Variants in BCCIP observed in about 807,000 individuals in gnomAD.
BCCIP encodes the protein BRCA2 and CDKN1A interacting protein.
In BCCIP, 23 loss-of-function variants were observed where a neutral mutation model predicts 32.8. The observed-to-expected ratio is 0.70, with a 90% CI of 0.51 to 0.99. The LOEUF is 0.99. BCCIP is among the 50% of genes least tolerant of loss of function. The probability of loss-of-function intolerance (pLI) is 0.00; values close to 1 mark genes in which losing one functional copy is unlikely to be tolerated. For missense variants in BCCIP, 378 were observed against 379.8 expected (o/e 1.00, Z 0.04); for synonymous variants, 144 against 137.6 (o/e 1.05, Z -0.33).
In BCCIP at chr10:125,831,403, TTC is replaced by T; in HGVS notation, c.412-13_412-12del. 6.2e-7 allele frequency: 1 copy of T among 1,607,076 alleles called. No individual in the cohort carries two copies. The highest frequency in any genetic ancestry group is 1.3e-5 in the African/African-American group (1 of 74,694). ...GATGGCTTGTAATAGGAAACAAGCT[TTC>T]TCTTTGCTTTCTAGGGTACCCAGTG... On this transcript the variant is annotated splice_polypyrimidine_tract_variant and intron_variant, in intron 4 of 6. Transcript: ENST00000278100.
downstream of BCCIP, among the ~76,000 whole-genome samples, chr10:125,840,459 G>A (rs1854843997): frequency 6.6e-6 from 1 of 152,228 alleles, no homozygotes; most frequent in Non-Finnish European, 1.5e-5. Flanking sequence ...TGGTGAATGT[G>A]CCAGGATACG....
chr10:125,848,411 A>G (rs73381243), intron 7 of BCCIP, among the ~76,000 whole-genome samples: 2,914 of 152,320 alleles, frequency 0.019, 90 homozygotes, highest in African/African-American at 0.065. Context: ...AAGAGGGCAG[A>G]CACTCTACCC....
In BCCIP at chr10:125,851,776, A is replaced by G. The variant is rs551759689; in HGVS notation, c.851-1349A>G. 3.3e-5 allele frequency among the ~76,000 whole-genome samples: 5 copies of G among 152,100 alleles called. No homozygotes were observed. The South Asian group carries it at 6.2e-4, about 19-fold the overall frequency. ...ACATCTACAAAGGAAATCTACATTAATAAGTGTGGTGGCTTGCACCTGTGG... is the reference window on the plus strand; with the variant it reads ...ACATCTACAAAGGAAATCTACATTAGTAAGTGTGGTGGCTTGCACCTGTGG... On this transcript the variant is annotated intron_variant, in intron 7 of 7. Transcript: ENST00000368759.
At chr10:125,827,913 G>A (rs181727011) in intron 3 of BCCIP, among the ~76,000 whole-genome samples, 25 of 149,794 alleles carry the variant, frequency 1.7e-4, no homozygotes, top group African/African-American at 5.4e-4. Context: ...GAAGGCCATG[G>A]TGAGCTTTGT....
In BCCIP at chr10:125,826,582, T is replaced by C; in HGVS notation, c.166-9T>C. On this transcript the variant is annotated splice_polypyrimidine_tract_variant and intron_variant, in intron 1 of 6. Transcript: ENST00000278100. ...TTCTGGTAACAACTATTTTGTGTGT[T>C]ATTTACAGGAAGTGAATATTGAATT... 2 of 1,613,138 alleles carry C rather than the reference T, an allele frequency of 1.2e-6. No homozygotes were observed. Among genetic ancestry groups the C allele is most frequent in the Non-Finnish European group, 8.5e-7 (1 of 1,179,600 alleles).
At chr10:125,843,093 A>G (rs1043605030), downstream of BCCIP, among the ~76,000 whole-genome samples, 1 of 152,106 alleles carries the variant, frequency 6.6e-6, no homozygotes, top group Admixed American at 6.6e-5. Context: ...TACAGGTCAC[A>G]CAATGAAGCA....
At chr10:125,853,021 A>G (rs1482460623) in intron 7 of BCCIP, 3 of 819,716 alleles carry the variant, frequency 3.7e-6, no homozygotes, top group South Asian at 1.8e-5. Flanking sequence ...GTTCAAATCA[A>G]CCAGGATCTT....
At chr10:125,838,567 C>CT (rs1208880790), downstream of BCCIP, among the ~76,000 whole-genome samples, 1 of 152,174 alleles carries the variant, frequency 6.6e-6, no homozygotes, top group African/African-American at 2.4e-5. Context: ...TTGCCTAAAA[C>CT]TTTGAGACAG....
At chr10:125,850,711 G>A (rs1944080106) in intron 7 of BCCIP, among the ~76,000 whole-genome samples, 6 of 152,140 alleles carry the variant, frequency 3.9e-5, no homozygotes, top group Admixed American at 6.5e-5. Flanking sequence ...CTTATCTAAC[G>A]TGCCATGCCT....
At chr10:125,842,203 C>T (rs758277231) in exon 7 of BCCIP, 1 of 389,038 alleles carries the variant, frequency 2.6e-6, no homozygotes, top group Admixed American at 4.9e-5. Flanking sequence ...TGGAGCCTGC[C>T]AGCCTCCCTG....
intron 7 of BCCIP, among the ~76,000 whole-genome samples, chr10:125,851,825 G>C (rs570087878): frequency 6.6e-6 from 1 of 151,472 alleles, no homozygotes; most frequent in South Asian, 2.1e-4. Flanking sequence ...GGAAGCTGTG[G>C]TGGGAGGATC....
intron 6 of BCCIP, among the ~76,000 whole-genome samples, chr10:125,834,959 C>A (rs1032426730): frequency 3.4e-5 from 5 of 148,556 alleles, no homozygotes; most frequent in African/African-American, 1.2e-4. Context: ...GGTGAAACCC[C>A]GTCTCTACTA....
chr10:125,835,411 T>C (rs189525099), intron 6 of BCCIP, among the ~76,000 whole-genome samples: 22 of 151,764 alleles, frequency 1.4e-4, no homozygotes, highest in African/African-American at 3.4e-4. Context: ...AACGCTGTCT[T>C]TACTAAAAAT....
downstream of BCCIP, among the ~76,000 whole-genome samples, chr10:125,844,611 T>G (rs527517293): frequency 6.6e-6 from 1 of 152,380 alleles, no homozygotes; most frequent in Admixed American, 6.5e-5. Context: ...TAATATTATA[T>G]TCTGCATTTT....
downstream of BCCIP, chr10:125,836,813 A>C: frequency 6.2e-7 from 1 of 1,614,156 alleles, no homozygotes; most frequent in Non-Finnish European, 8.5e-7. Flanking sequence ...TTTCACTAGG[A>C]GGCAGATTAC....
chr10:125,831,330 G>A, intron 4 of BCCIP, 90 bp from the exon 5 acceptor site: 2 of 1,321,618 alleles, frequency 1.5e-6, no homozygotes, highest in Non-Finnish European at 2.1e-6. Context: ...GCCCTTAGCT[G>A]TAAGATGAAA....
At chr10:125,833,017 G>A (rs1415171666) in intron 5 of BCCIP, among the ~76,000 whole-genome samples, 1 of 151,802 alleles carries the variant, frequency 6.6e-6, no homozygotes, top group East Asian at 1.9e-4. Context: ...AGCTACTCAG[G>A]AGGCTTAGGC....
Position 125,823,607 on chromosome 10 carries a change from C to A in BCCIP, c.50C>A (p.Pro17Gln), listed in dbSNP as rs1394877405. The change falls in exon 1 of 7, where the codon CCG becomes CAG. Residue 17 changes from proline (P) to glutamine (Q), a missense_variant. Coordinates refer to ENST00000278100, the MANE Select transcript of BCCIP (RefSeq NM_078468.3). Reference protein sequence around the residue: ...RRAVESGVPQPPDPPVQRDEE... With the variant: ...RRAVESGVPQQPDPPVQRDEE... ...GCCGTGGAAAGTGGGGTTCCGCAGC[C>A]GCCGGATCCCCCAGTCCAGCGCGAC... is the stretch of plus-strand genomic sequence containing the variant. The A allele has an allele frequency of 5.0e-6, 8 of 1,613,904 alleles. No individual in the cohort carries two copies. The highest frequency in any genetic ancestry group is 6.8e-6 in the Non-Finnish European group (8 of 1,179,980).
At chr10:125,841,681 G>A (rs532560567) in exon 7 of BCCIP, 6 of 1,569,984 alleles carry the variant, frequency 3.8e-6, no homozygotes, top group South Asian at 1.2e-5. Flanking sequence ...AAATGGATCC[G>A]ATCTAAATCT....
Sources: gnomAD v4.1 joint callset for allele counts (sites outside exome capture counted in the v4.1 genomes callset) on GRCh38, gnomAD v4.1.1 for gene constraint, MANE v1.5 for transcripts, NCBI Gene and HGNC (gene_info 2026-07-23, HGNC 2026-07-21) for gene names.